SLC35D1: variants seen among roughly 807,000 people sequenced by gnomAD.
SLC35D1 encodes solute carrier family 35 member D1.
A neutral mutation model predicts 46.7 loss-of-function variants in SLC35D1; 31 were observed. The ratio of observed to expected loss-of-function variants is 0.66; its 90% confidence interval spans 0.50 to 0.90. SLC35D1 has a LOEUF of 0.90. Ranked by LOEUF, SLC35D1 falls within the 40% of genes least tolerant of loss-of-function variation. The pLI, the probability that SLC35D1 is intolerant of heterozygous loss-of-function variation, is 0.00. For missense variants in SLC35D1, 397 were observed against 426.2 expected (o/e 0.93, Z 0.60); for synonymous variants, 195 against 164.6 (o/e 1.18, Z -1.41).
chr1:66,986,348 C>A, the SLC35D1 span: 1 of 1,577,680 alleles, frequency 6.3e-7, no homozygotes. Flanking sequence ...GCTGATAGAC[C>A]AACCTATATC....
the SLC35D1 span, chr1:66,986,515 T>C: frequency 7.1e-7 from 1 of 1,411,442 alleles, no homozygotes; most frequent in Non-Finnish European, 1.0e-6. Flanking sequence ...CTGTCTGATG[T>C]AATTGAGTGA....
At chr1:67,011,693 A>T (rs1357597003) in intron 10 of SLC35D1, among the ~76,000 whole-genome samples, 1 of 152,126 alleles carries the variant, frequency 6.6e-6, no homozygotes, top group African/African-American at 2.4e-5. Context: ...CATGTTGCCC[A>T]GACTGGTCTT....
the SLC35D1 span, among the ~76,000 whole-genome samples, chr1:66,973,569 G>A: frequency 6.6e-6 from 1 of 151,908 alleles, no homozygotes; most frequent in Admixed American, 6.6e-5. Flanking sequence ...TATCAGTCAT[G>A]TAATTTATAC....
the SLC35D1 span, chr1:66,986,270 C>A: frequency 7.0e-7 from 1 of 1,434,710 alleles, no homozygotes; most frequent in Non-Finnish European, 9.1e-7. Flanking sequence ...TATCCATCTG[C>A]ATAGCCTTGT....
intron 4 of SLC35D1, among the ~76,000 whole-genome samples, chr1:67,051,476 A>G (rs1199883686): frequency 6.6e-6 from 1 of 152,204 alleles, no homozygotes; most frequent in Non-Finnish European, 1.5e-5. Context: ...GAGGAGAGCT[A>G]TTGCTTCTTT....
In SLC35D1 at chr1:67,002,503, A is replaced by C. The variant is rs1201458286; in HGVS notation, c.*1837T>G. 1 of 152,342 alleles carries C rather than the reference A, an allele frequency of 6.6e-6. No individual in the cohort carries two copies. Among genetic ancestry groups the C allele is most frequent in the Non-Finnish European group, 1.5e-5 (1 of 68,066 alleles). 9.4% of individuals were successfully genotyped at this position (152,342 alleles called of 1,614,324 possible). A position where few individuals can be genotyped will look rare whatever the true frequency, so the allele number is the denominator to read the frequency against. ...TTGTTTTCTCATTGGTAAAATAGGG[A>C]GAGTAAGACCCATATGACACAAGAT... is the stretch of plus-strand genomic sequence containing the variant. On this transcript the variant is annotated 3_prime_UTR_variant, in exon 12 of 12. Coordinates refer to ENST00000235345, the MANE Select transcript of SLC35D1 (RefSeq NM_015139.3).
chr1:67,021,726 CA>C (rs1667809078), intron 8 of SLC35D1, 124 bp from the exon 9 acceptor site: 2 of 439,676 alleles, frequency 4.5e-6, no homozygotes, highest in Admixed American at 5.7e-5. Context: ...CAGACACAGA[CA>C]CACACACACA....
the SLC35D1 span, among the ~76,000 whole-genome samples, chr1:66,973,165 T>C: frequency 2.0e-4 from 31 of 152,106 alleles, no homozygotes; most frequent in Non-Finnish European, 1.5e-5. Flanking sequence ...TAACCTATAA[T>C]TACCTGTTGG....
intron 8 of SLC35D1, among the ~76,000 whole-genome samples, chr1:67,032,780 CT>C (rs1002299955): frequency 6.6e-6 from 1 of 152,126 alleles, no homozygotes; most frequent in Non-Finnish European, 1.5e-5. Flanking sequence ...CAATTATACT[CT>C]TTTAGCTATA....
chr1:67,021,718 G>GACACAC (rs1491409653), intron 8 of SLC35D1, 116 bp from the exon 9 acceptor site: 78 of 450,108 alleles, frequency 1.7e-4, no homozygotes, highest in African/African-American at 1.6e-3. Flanking sequence ...CACAGACACA[G>GACACAC]ACACAGACAC....
the SLC35D1 span, among the ~76,000 whole-genome samples, chr1:66,976,165 G>A: frequency 2.6e-5 from 4 of 151,772 alleles, no homozygotes; most frequent in South Asian, 2.1e-4. Flanking sequence ...CACCATGCCC[G>A]GCTAATTTTT....
Position 67,050,169 on chromosome 1 carries a change from T to C in SLC35D1, c.464+264A>G, listed in dbSNP as rs545238081. ...GAACACTATTTAAAACCTATACCTA[T>C]GATTCTGATCCAGCTTCTCCCGGTG... On this transcript the variant is annotated intron_variant, in intron 5 of 11. Transcript: ENST00000235345. Among the ~76,000 whole-genome samples the C allele has an allele frequency of 9.2e-5, 14 of 152,300 alleles. 1 individual carries two copies. The East Asian group carries it at 2.7e-3, about 29-fold the overall frequency.
At chr1:67,046,175 A>T (rs757337113) in intron 7 of SLC35D1, among the ~76,000 whole-genome samples, 19 of 152,174 alleles carry the variant, frequency 1.2e-4, no homozygotes, top group Admixed American at 5.9e-4. Context: ...AAAAAAAAAT[A>T]AACTATCTGC....
the SLC35D1 span, among the ~76,000 whole-genome samples, chr1:66,992,624 C>T: frequency 9.2e-5 from 14 of 152,214 alleles, no homozygotes; most frequent in Non-Finnish European, 1.2e-4. Context: ...ATGGCTCACA[C>T]GTATTCATGG....
At chr1:67,036,086 T>C (rs1017281976) in intron 8 of SLC35D1, among the ~76,000 whole-genome samples, 2 of 152,166 alleles carry the variant, frequency 1.3e-5, no homozygotes, top group African/African-American at 4.8e-5. Context: ...TTAAGACTTG[T>C]CTTGTGACCT....
At chr1:67,038,512 G>A (rs974191334) in intron 8 of SLC35D1, among the ~76,000 whole-genome samples, 1 of 151,392 alleles carries the variant, frequency 6.6e-6, no homozygotes, top group African/African-American at 2.4e-5. Flanking sequence ...AGAAAGCCAA[G>A]CTCCAACTCC....
chr1:67,013,158 A>ATATATATATATATATATATG lies in SLC35D1; in HGVS notation c.877-3992_877-3991insCATATATATATATATATATA. Among the ~76,000 whole-genome samples the ATATATATATATATATATATG allele has an allele frequency of 2.2e-4, 23 of 103,612 alleles. 5 individuals carry two copies. The highest frequency in any genetic ancestry group is 1.0e-3 in the African/African-American group (18 of 17,766). The allele number at this position is 103,612 out of a possible 152,430, so 68.0% of individuals were successfully genotyped here. A position where few individuals can be genotyped will look rare whatever the true frequency, so the allele number is the denominator to read the frequency against. The stretch of plus-strand genomic sequence containing the variant: ...TAATTTAAGAACATATATCCTGGAG[A>ATATATATATATATATATATG]TATATATATATCCTGTTCTTAAATT... On this transcript the variant is annotated intron_variant, in intron 10 of 11. Transcript: ENST00000235345.
At chr1:66,989,012 A>AAT in the SLC35D1 span, among the ~76,000 whole-genome samples, 1 of 152,204 alleles carries the variant, frequency 6.6e-6, no homozygotes, top group African/African-American at 2.4e-5. Flanking sequence ...AGTCTAGCTA[A>AAT]ATATTTTTCT....
At position 67,003,290 on chromosome 1, in the gene SLC35D1, T is replaced by C. The variant is rs1281388475; in HGVS notation, c.*1050A>G. On this transcript the variant is annotated 3_prime_UTR_variant, in exon 12 of 12. Coordinates refer to ENST00000235345, the MANE Select transcript of SLC35D1 (RefSeq NM_015139.3). ...GGTGGCAAGGGAAAACAGACTTGCC[T>C]GTCTGCAATTTTCACTTAGAGAGGG... 2.0e-5 allele frequency: 3 copies of C among 152,394 alleles called. No individual in the cohort carries two copies. The highest frequency in any genetic ancestry group is 2.0e-4 in the Admixed American group (3 of 15,284). The allele number at this position is 152,394 out of a possible 1,614,324, so 9.4% of individuals were successfully genotyped here. A position where few individuals can be genotyped will look rare whatever the true frequency, so the allele number is the denominator to read the frequency against.
Sources: allele counts gnomAD v4.1 joint callset (sites outside exome capture counted in the v4.1 genomes callset), GRCh38; gene constraint gnomAD v4.1.1; transcripts MANE v1.5; gene names NCBI Gene and HGNC (gene_info 2026-07-23, HGNC 2026-07-21).